RABL2A: variants seen among roughly 807,000 people sequenced by gnomAD.
RABL2A encodes the protein RAB, member of RAS oncogene family like 2A, also known as rab-like protein 2A.
Under a neutral mutation model 30.7 loss-of-function variants are expected in RABL2A, and 17 were observed. The observed-to-expected ratio is 0.55, with a 90% CI of 0.38 to 0.83. The LOEUF (loss-of-function observed/expected upper bound fraction) is 0.83. RABL2A is among the 40% of genes least tolerant of loss of function. The pLI, the probability that RABL2A is intolerant of heterozygous loss-of-function variation, is 0.00. For missense variants in RABL2A, 155 were observed against 272.6 expected, an observed-to-expected ratio of 0.57 and a Z score of 3.04; for synonymous variants, 64 against 101.8, an observed-to-expected ratio of 0.63 and a Z score of 2.24.
intron 2 of RABL2A, among the ~76,000 whole-genome samples, chr2:113,630,309 A>G (rs1410778991): frequency 6.6e-6 from 1 of 152,340 alleles, no homozygotes; most frequent in Non-Finnish European, 1.5e-5. Context: ...ACTGTGGTTC[A>G]GTTTTGATTG....
intron 5 of RABL2A, among the ~76,000 whole-genome samples, chr2:113,636,809 A>C (rs992933790): frequency 2.0e-5 from 3 of 152,056 alleles, no homozygotes; most frequent in Non-Finnish European, 4.4e-5. Flanking sequence ...TAACACAGTG[A>C]AACCCCGTCT....
In RABL2A at chr2:113,634,406, G is replaced by A. The variant is rs1264950502; in HGVS notation, c.217+174G>A. 33 of 764,124 alleles carry A rather than the reference G, an allele frequency of 4.3e-5. No individual in the cohort carries two copies. The East Asian group carries it at 5.3e-4, about 12-fold the overall frequency. The allele number at this position is 764,124 out of a possible 1,614,324, so 47.3% of individuals were successfully genotyped here. The stretch of plus-strand genomic sequence containing the variant: ...AGCCAGGAGCCAGGAGGGTGGAAGG[G>A]GGCACGCAGGGGCCAAGTCCCAGCC... On this transcript the variant is annotated intron_variant, in intron 4 of 8. Coordinates refer to ENST00000683472, the MANE Select transcript of RABL2A (RefSeq NM_001306158.2).
chr2:113,635,718 A>T (rs1231773542), intron 5 of RABL2A, among the ~76,000 whole-genome samples: 1 of 152,230 alleles, frequency 6.6e-6, no homozygotes, highest in Non-Finnish European at 1.5e-5. Context: ...CCTGTGTCCT[A>T]TAGAAGTTCC....
intron 5 of RABL2A, chr2:113,638,371 C>G: frequency 1.0e-6 from 1 of 985,414 alleles, no homozygotes; most frequent in Non-Finnish European, 1.2e-6. Flanking sequence ...GAAGTGAGGT[C>G]AGCTGTGCCA....
At chr2:113,637,553 G>A in intron 5 of RABL2A, 1 of 1,203,474 alleles carries the variant, frequency 8.3e-7, no homozygotes, top group East Asian at 5.8e-5. Flanking sequence ...CTTTGCAGAT[G>A]GTAAAGGAAG....
rs145167719 is a variant in RABL2A, at chr2:113,635,078, G to T, written c.245G>T (p.Arg82Leu). 3 of 1,614,038 alleles carry T rather than the reference G, an allele frequency of 1.9e-6. No individual in the cohort carries two copies. In the South Asian group the frequency reaches 3.3e-5, roughly 18 times the overall value. ...VDFWDTAGQE[R>L]FQSMHASYYH... ...TTTTGGGACACGGCAGGCCAGGAGC[G>T]GTTCCAGAGCATGCATGCCTCCTAC... The change falls in exon 5 of 9, where the codon CGG (arginine) becomes CTG (leucine). Residue 82 changes from arginine to leucine, a missense_variant. By Grantham distance (102) the Arg-to-Leu change is moderately radical. Coordinates refer to ENST00000683472, the MANE Select transcript of RABL2A (RefSeq NM_001306158.2).
chr2:113,638,731 G>C (rs1683913941), intron 5 of RABL2A: 1 of 248,866 alleles, frequency 4.0e-6, no homozygotes, highest in African/African-American at 2.3e-5. Context: ...AGCCAGGCGT[G>C]GTGGCGCGCA....
chr2:113,632,967 C>G, intron 3 of RABL2A, 23 bp downstream of exon 3: 1 of 1,614,214 alleles, frequency 6.2e-7, no homozygotes, highest in Non-Finnish European at 8.5e-7. Context: ...GTTTGAAGTA[C>G]TCCTTGTTCC....
At chr2:113,631,345 C>T (rs535992999) in intron 2 of RABL2A, among the ~76,000 whole-genome samples, 2 of 151,986 alleles carry the variant, frequency 1.3e-5, no homozygotes, top group African/African-American at 2.4e-5. Flanking sequence ...GGCAAAGGCA[C>T]ACCCCCCCCA....
At chr2:113,631,966 TTATAAA>T (rs1268954176) in intron 2 of RABL2A, among the ~76,000 whole-genome samples, 3 of 151,884 alleles carry the variant, frequency 2.0e-5, no homozygotes, top group Non-Finnish European at 4.4e-5. Context: ...TTCTTTATAG[TTATAAA>T]TAAAATCTAT....
In RABL2A at chr2:113,642,369, T is replaced by A. The variant is rs1229493646; in HGVS notation, c.*240T>A. On this transcript the variant is annotated 3_prime_UTR_variant, in exon 9 of 9. Transcript: ENST00000683472. Reference sequence around the variant, plus strand: ...CTTGAAGCAGAATTAGGGATCAGCATCATTAACACCTTCCCCACCCCCTCC... The same window carrying A: ...CTTGAAGCAGAATTAGGGATCAGCAACATTAACACCTTCCCCACCCCCTCC... 3 of 958,028 alleles carry A rather than the reference T, an allele frequency of 3.1e-6. No individual in the cohort carries two copies. Among genetic ancestry groups the A allele is most frequent in the African/African-American group, 3.3e-5 (2 of 60,608 alleles). The allele number at this position is 958,028 out of a possible 1,614,324, so 59.3% of individuals were successfully genotyped here.
chr2:113,641,220 T>G, intron 6 of RABL2A, 133 bp from the exon 7 acceptor site: 1 of 1,464,902 alleles, frequency 6.8e-7, no homozygotes, highest in Non-Finnish European at 9.4e-7. Flanking sequence ...CCCTATTAAC[T>G]GAGCTCTTTC....
chr2:113,639,157 T>C (rs1381927582), intron 5 of RABL2A, among the ~76,000 whole-genome samples: 2 of 149,224 alleles, frequency 1.3e-5, no homozygotes, highest in Non-Finnish European at 3.0e-5. Context: ...CATGGTGGCA[T>C]GTGCCTGTAG....
intron 3 of RABL2A, 89 bp downstream of exon 3, chr2:113,633,033 G>A (rs1013232131): frequency 3.8e-6 from 6 of 1,598,576 alleles, no homozygotes; most frequent in Non-Finnish European, 5.1e-6. Context: ...CTTTGTACCA[G>A]CAGCCCAGGA....
At chr2:113,634,348 G>A in intron 4 of RABL2A, 116 bp downstream of exon 4, 1 of 1,394,534 alleles carries the variant, frequency 7.2e-7, no homozygotes, top group Non-Finnish European at 9.8e-7. Flanking sequence ...GAGACCCCAG[G>A]CAGGGACAAG....
At position 113,641,419 on chromosome 2, in the gene RABL2A, T is replaced by C. The variant is rs146837516; in HGVS notation, c.476T>C (p.Val159Ala). Residue 159 changes from valine (V) to alanine (A), a missense_variant, in exon 7 of 9, where the codon GTC becomes GCC. Around this residue, in one of 5 missense-constraint regions of RABL2A, gnomAD observed 33 missense variants for 30.7 expected, o/e 1.08. Transcript: ENST00000683472. ...AKKFSLPLYF[V>A]SAADGTNVVK... ...AAGTTCTCCCTGCCCCTGTATTTCGTCTCGGCTGCTGATGGTACCAATGTT... is the reference window on the plus strand; with the variant it reads ...AAGTTCTCCCTGCCCCTGTATTTCGCCTCGGCTGCTGATGGTACCAATGTT... 34 of 1,611,852 alleles carry C rather than the reference T, an allele frequency of 2.1e-5. No individual in the cohort carries two copies. Among genetic ancestry groups the C allele is most frequent in the Non-Finnish European group, 2.8e-5 (33 of 1,179,272 alleles).
chr2:113,630,044 A>G (rs1679723311), intron 2 of RABL2A, among the ~76,000 whole-genome samples: 1 of 152,204 alleles, frequency 6.6e-6, no homozygotes, highest in South Asian at 2.1e-4. Context: ...CTTTCGGAGA[A>G]TGTATCTTGG....
At chr2:113,640,373 CGTTATTTATTTGTTTATTTCAGACAGA>C (rs1684686334) in intron 5 of RABL2A, 2 of 157,586 alleles carry the variant, frequency 1.3e-5, no homozygotes, top group Admixed American at 1.2e-4. Flanking sequence ...AAAAGGAATA[CGTTATTTATTTGTTTATTTCAGACAGA>C]GTTTTGCTCT....
intron 2 of RABL2A, among the ~76,000 whole-genome samples, chr2:113,629,053 G>A (rs1679227822): frequency 6.6e-6 from 1 of 151,262 alleles, no homozygotes; most frequent in Non-Finnish European, 1.5e-5. Flanking sequence ...CACCGTGACA[G>A]ATTGGGTAAA....
Sources: gnomAD v4.1 joint callset for allele counts (sites outside exome capture counted in the v4.1 genomes callset) on GRCh38, gnomAD v4.1.1 for gene constraint, gnomAD v4.1.1 regional missense constraint, MANE v1.5 for transcripts, NCBI Gene and HGNC (gene_info 2026-07-23, HGNC 2026-07-21) for gene names.